Variants in ZNF490 observed in about 807,000 individuals in gnomAD.
The protein encoded by ZNF490 is zinc finger protein 490.
Under a neutral mutation model 17.7 loss-of-function variants are expected in ZNF490, and 11 were observed. The ratio of observed to expected loss-of-function variants is 0.62; its 90% CI spans 0.39 to 1.03. ZNF490 has a LOEUF of 1.03. Among genes scored for constraint, ZNF490 ranks in the 50% least tolerant of loss-of-function variants. The probability of loss-of-function intolerance (pLI) is 0.00; values close to 1 mark genes in which losing one functional copy is unlikely to be tolerated. For missense variants in ZNF490, 542 were observed against 643.4 expected, an observed-to-expected ratio of 0.84 and a Z score of 1.71; for synonymous variants, 222 against 216.1, an observed-to-expected ratio of 1.03 and a Z score of -0.24.
At position 12,603,469 on chromosome 19, in the gene ZNF490, C is replaced by T. The variant is rs145793511; in HGVS notation, c.162+5689G>A. Reference sequence around the variant, plus strand: ...CACCACTGCACTCCAGCCTAGGTGACAGAGTAAGACTCTGTCTCAAAAAAC... The same window carrying T: ...CACCACTGCACTCCAGCCTAGGTGATAGAGTAAGACTCTGTCTCAAAAAAC... On this transcript the variant is annotated intron_variant, in intron 2 of 4. Transcript: ENST00000311437. 2.1e-3 allele frequency among the ~76,000 whole-genome samples: 319 copies of T among 151,992 alleles called. No individual in the cohort carries two copies. The East Asian group carries it at 0.027, about 13-fold the overall frequency.
At chr19:12,607,169 G>A (rs1188440406) in intron 2 of ZNF490, among the ~76,000 whole-genome samples, 1 of 151,382 alleles carries the variant, frequency 6.6e-6, no homozygotes, top group Non-Finnish European at 1.5e-5. Context: ...GCAGGACCCT[G>A]TCTCTAAAAT....
intron 2 of ZNF490, among the ~76,000 whole-genome samples, chr19:12,607,363 G>T (rs1453147922): frequency 2.0e-5 from 3 of 151,432 alleles, no homozygotes; most frequent in African/African-American, 7.3e-5. Flanking sequence ...GCTAAAAAAA[G>T]AATTTTTTTA....
chr19:12,605,831 T>A (rs1454786582), intron 2 of ZNF490, among the ~76,000 whole-genome samples: 2 of 152,208 alleles, frequency 1.3e-5, no homozygotes, highest in Non-Finnish European at 2.9e-5. Context: ...GTTAATGGTT[T>A]TCCTATCCCT....
In ZNF490 at chr19:12,587,943, C is replaced by T. The variant is rs1388351599; in HGVS notation, c.163-4387G>A. 3.2e-5 allele frequency among the ~76,000 whole-genome samples: 3 copies of T among 94,350 alleles called. 1 individual carries two copies. Among genetic ancestry groups the T allele is most frequent in the East Asian group, 2.0e-4 (1 of 4,922 alleles). 61.9% of individuals were successfully genotyped at this position (94,350 alleles called of 152,430 possible). On this transcript the variant is annotated intron_variant, in intron 2 of 4. Coordinates refer to ENST00000311437, the MANE Select transcript of ZNF490 (RefSeq NM_020714.3). ...GGAGTGCGATGGCGCAATCTCGGCT[C>T]GCTACAACCTCCGCCTCCCAGGTTC...
In ZNF490 at chr19:12,583,799, A is replaced by C. The variant is rs1438854349; in HGVS notation, c.163-243T>G. Among the ~76,000 whole-genome samples, 23 of 110,108 alleles carry C rather than the reference A, an allele frequency of 2.1e-4. No individual in the cohort carries two copies. The East Asian group carries it at 2.7e-3, about 13-fold the overall frequency. 72.2% of individuals were successfully genotyped at this position (110,108 alleles called of 152,430 possible). On this transcript the variant is annotated intron_variant, in intron 2 of 4. Transcript: ENST00000311437. ...TCTCTCTCTCTCTCTCTCTATATAT[A>C]TATATATATATATTTTTTTTTTTTT...
chr19:12,583,966 A>T (rs2022783135), intron 2 of ZNF490, among the ~76,000 whole-genome samples: 1 of 150,898 alleles, frequency 6.6e-6, no homozygotes, highest in Non-Finnish European at 1.5e-5. Context: ...GCCCACCACC[A>T]CACCCAGCTA....
chr19:12,590,931 A>C (rs990004085), intron 2 of ZNF490, among the ~76,000 whole-genome samples: 2 of 151,684 alleles, frequency 1.3e-5, no homozygotes, highest in African/African-American at 4.8e-5. Flanking sequence ...TAAAAAAAAA[A>C]AAATTTTTTT....
chr19:12,599,126 C>G (rs1215798366), intron 2 of ZNF490, among the ~76,000 whole-genome samples: 1 of 77,140 alleles, frequency 1.3e-5, no homozygotes, highest in African/African-American at 5.6e-5. Context: ...GGCAACAGAG[C>G]AAGACTCTGT....
intron 2 of ZNF490, among the ~76,000 whole-genome samples, chr19:12,600,418 G>A (rs1052831005): frequency 6.6e-6 from 1 of 151,828 alleles, no homozygotes; most frequent in African/African-American, 2.4e-5. Context: ...GTATACTAAT[G>A]TAAATGTGAA....
chr19:12,606,792 T>C (rs1210032138), intron 2 of ZNF490, among the ~76,000 whole-genome samples: 1 of 152,148 alleles, frequency 6.6e-6, no homozygotes, highest in African/African-American at 2.4e-5. Context: ...CATTTCCATA[T>C]GGTAGATTTC....
At chr19:12,597,641 C>T (rs1011420381) in intron 2 of ZNF490, among the ~76,000 whole-genome samples, 1 of 152,126 alleles carries the variant, frequency 6.6e-6, no homozygotes, top group Non-Finnish European at 1.5e-5. Flanking sequence ...ACCTACTATT[C>T]GACTTTTTGA....
intron 2 of ZNF490, among the ~76,000 whole-genome samples, chr19:12,604,108 C>T (rs1249646053): frequency 6.6e-6 from 1 of 152,200 alleles, no homozygotes; most frequent in African/African-American, 2.4e-5. Context: ...CATAATAAAG[C>T]CACCATAAAA....
Position 12,576,573 on chromosome 19 carries a change from G to C in ZNF490, c.*3912C>G, listed in dbSNP as rs1184278929. On this transcript the variant is annotated 3_prime_UTR_variant, in exon 5 of 5. Transcript: ENST00000311437. ...CTCACGCCTGTAATCCCAGCACTTT[G>C]GGGAGACCGAGGTGGGTGGATCACA... Among the ~76,000 whole-genome samples the C allele has an allele frequency of 2.6e-5, 4 of 151,034 alleles. No individual in the cohort carries two copies. The highest frequency in any genetic ancestry group is 9.7e-5 in the African/African-American group (4 of 41,046).
chr19:12,589,256 C>T (rs1240635311), intron 2 of ZNF490, among the ~76,000 whole-genome samples: 1 of 152,178 alleles, frequency 6.6e-6, no homozygotes, highest in East Asian at 1.9e-4. Context: ...ACTTGGGAGG[C>T]TGAGGCAGGA....
intron 2 of ZNF490, among the ~76,000 whole-genome samples, chr19:12,600,822 T>A (rs529651088): frequency 6.6e-6 from 1 of 152,058 alleles, no homozygotes; most frequent in Admixed American, 6.6e-5. Context: ...AGAGAAAAAA[T>A]GTTCAGGACT....
chr19:12,604,778 C>T (rs549756505), intron 2 of ZNF490, among the ~76,000 whole-genome samples: 39 of 150,686 alleles, frequency 2.6e-4, no homozygotes, highest in African/African-American at 7.3e-4. Flanking sequence ...GAGCTGAGAT[C>T]GCGCCATTGC....
rs1480608348 is a variant in ZNF490, at chr19:12,580,365, T to A, written c.*120A>T. ...GCATGAGTCACGTCTTCAAAGGGAA[T>A]TAGGACAACTGAAGGCTTAATCACA... On this transcript the variant is annotated 3_prime_UTR_variant, in exon 5 of 5. Coordinates refer to ENST00000311437, the MANE Select transcript of ZNF490 (RefSeq NM_020714.3). 6.1e-6 allele frequency: 9 copies of A among 1,480,188 alleles called. No individual in the cohort carries two copies. In the Admixed American group the frequency reaches 7.0e-5, roughly 12 times the overall value. The allele number at this position is 1,480,188 out of a possible 1,614,324, so 91.7% of individuals were successfully genotyped here.
intron 2 of ZNF490, among the ~76,000 whole-genome samples, chr19:12,583,809 A>ATT (rs2022778086): frequency 9.5e-5 from 10 of 105,104 alleles, no homozygotes; most frequent in South Asian, 2.9e-4. Context: ...ATATATATAT[A>ATT]TATTTTTTTT....
chr19:12,594,474 AAAAAG>A (rs1188313307), intron 2 of ZNF490, among the ~76,000 whole-genome samples: 20 of 151,862 alleles, frequency 1.3e-4, no homozygotes, highest in Admixed American at 3.3e-4. Flanking sequence ...TCAAAAAAAA[AAAAAG>A]AAAAGAAAAG....
Sources: allele counts gnomAD v4.1 joint callset (sites outside exome capture counted in the v4.1 genomes callset), GRCh38; gene constraint gnomAD v4.1.1; transcripts MANE v1.5; gene names NCBI Gene and HGNC (gene_info 2026-07-23, HGNC 2026-07-21).